The following NRXN3 variants were observed in gnomAD, a reference collection of about 807,000 sequenced individuals.
NRXN3 encodes neurexin III.
Under a neutral mutation model 137.6 loss-of-function variants are expected in NRXN3, and 32 were observed. The observed-to-expected ratio is 0.23, with a 90% CI of 0.18 to 0.31. NRXN3 has a LOEUF of 0.31. Among genes scored for constraint, NRXN3 ranks in the 10% least tolerant of loss-of-function variants. The pLI, the probability that NRXN3 is intolerant of heterozygous loss-of-function variation, is 1.00. For missense variants in NRXN3, 1,574 were observed against 2,062.5 expected, an observed-to-expected ratio of 0.76 and a Z score of 4.59; for synonymous variants, 798 against 784.5, an observed-to-expected ratio of 1.02 and a Z score of -0.29.
At chr14:78,271,329 G>C (rs989283670) in intron 2 of NRXN3, among the ~76,000 whole-genome samples, 8 of 152,076 alleles carry the variant, frequency 5.3e-5, no homozygotes, top group African/African-American at 1.9e-4. Flanking sequence ...GGCAGAACTG[G>C]CTTTACTACC....
intron 15 of NRXN3, among the ~76,000 whole-genome samples, chr14:79,387,953 T>C (rs1599569557): frequency 1.3e-5 from 1 of 77,276 alleles, no homozygotes; most frequent in Non-Finnish European, 2.3e-5. Context: ...GGGCCTGTTG[T>C]GGGGTGGGGG....
At chr14:78,390,445 G>A (rs2090602051) in intron 4 of NRXN3, among the ~76,000 whole-genome samples, 1 of 152,162 alleles carries the variant, frequency 6.6e-6, no homozygotes, top group South Asian at 2.1e-4. Flanking sequence ...GAAAACCGGT[G>A]TTACAAGGTT....
intron 4 of NRXN3, among the ~76,000 whole-genome samples, chr14:78,458,660 T>G (rs963041566): frequency 1.3e-5 from 2 of 152,238 alleles, no homozygotes; most frequent in African/African-American, 4.8e-5. Context: ...CAAAGCAAGT[T>G]CTTAATCCTA....
intron 19 of NRXN3, among the ~76,000 whole-genome samples, chr14:79,799,600 G>A (rs747107217): frequency 1.2e-4 from 18 of 152,130 alleles, no homozygotes; most frequent in Non-Finnish European, 2.2e-4. Flanking sequence ...TCTACTACTA[G>A]TGGGTGTATA....
At chr14:78,820,345 G>A (rs2098947176) in intron 10 of NRXN3, among the ~76,000 whole-genome samples, 1 of 142,374 alleles carries the variant, frequency 7.0e-6, no homozygotes, top group Non-Finnish European at 1.5e-5. Flanking sequence ...ATGAAAGTCT[G>A]TTTACTGATT....
Position 79,622,848 on chromosome 14 carries a change from G to A in NRXN3, c.3445-40930G>A, listed in dbSNP as rs188435603. On this transcript the variant is annotated intron_variant, in intron 16 of 20. Transcript: ENST00000335750. ...CCTGACCTCGTGATCCACCTGCCTC[G>A]GCCTCCCAAAGTGCTGGGATTACAG... Among the ~76,000 whole-genome samples the A allele has an allele frequency of 3.0e-3, 456 of 152,156 alleles. 4 individuals carry two copies. The highest frequency in any genetic ancestry group is 0.01 in the African/African-American group (416 of 41,526).
chr14:78,934,039 AT>A (rs2099328896), intron 10 of NRXN3, among the ~76,000 whole-genome samples: 1 of 151,990 alleles, frequency 6.6e-6, no homozygotes, highest in Non-Finnish European at 1.5e-5. Context: ...GATTATTGTA[AT>A]AATCCTTTTA....
chr14:79,698,564 G>A lies in NRXN3; in HGVS notation c.4014+627G>A, dbSNP rs188349290. Among the ~76,000 whole-genome samples the A allele has an allele frequency of 3.0e-3, 457 of 152,090 alleles. 1 individual carries two copies. Among genetic ancestry groups the A allele is most frequent in the African/African-American group, 0.01 (429 of 41,506 alleles). On this transcript the variant is annotated intron_variant, in intron 19 of 20. Transcript: ENST00000335750. ...TTGAAGGTTTGAGTTTGGCTATACC[G>A]GAAGTCCTTGTTTTTGTGGCAGTTT...
At chr14:78,560,923 G>A (rs189524314) in intron 4 of NRXN3, among the ~76,000 whole-genome samples, 10 of 152,290 alleles carry the variant, frequency 6.6e-5, no homozygotes, top group East Asian at 1.9e-4. Flanking sequence ...GATTAGATAC[G>A]TCTCAGGGAT....
intron 9 of NRXN3, among the ~76,000 whole-genome samples, chr14:78,806,835 CTTATT>C (rs1320754823): frequency 2.6e-5 from 4 of 151,810 alleles, no homozygotes; most frequent in East Asian, 1.9e-4. Flanking sequence ...AAGACCTTAT[CTTATT>C]TTAATCTCAT....
intron 2 of NRXN3, among the ~76,000 whole-genome samples, chr14:78,247,058 C>T (rs1214884634): frequency 6.6e-6 from 1 of 152,194 alleles, no homozygotes; most frequent in Non-Finnish European, 1.5e-5. Flanking sequence ...GCAGGGAGAG[C>T]TGCGAGGGCC....
intron 3 of NRXN3, among the ~76,000 whole-genome samples, chr14:78,292,882 C>T (rs2075947730): frequency 6.6e-6 from 1 of 152,112 alleles, no homozygotes; most frequent in Non-Finnish European, 1.5e-5. Flanking sequence ...CTAGGGCTGG[C>T]AGTGTGACCT....
chr14:79,177,963 C>T (rs2062515749), intron 15 of NRXN3, among the ~76,000 whole-genome samples: 2 of 152,240 alleles, frequency 1.3e-5, no homozygotes, highest in Admixed American at 6.5e-5. Flanking sequence ...AAGAATAGTC[C>T]ATCATTTCCA....
At chr14:78,551,182 T>C (rs187179909) in intron 4 of NRXN3, among the ~76,000 whole-genome samples, 80 of 152,344 alleles carry the variant, frequency 5.3e-4, no homozygotes, top group African/African-American at 1.9e-3. Context: ...AGGGCCTCCA[T>C]GTAATCAGAG....
At chr14:78,742,749 G>A (rs1398233433) in intron 8 of NRXN3, among the ~76,000 whole-genome samples, 1 of 152,084 alleles carries the variant, frequency 6.6e-6, no homozygotes, top group Non-Finnish European at 1.5e-5. Context: ...CCATTATGTA[G>A]GTAATGAAAG....
intron 16 of NRXN3, among the ~76,000 whole-genome samples, chr14:79,662,211 A>G (rs1266407659): frequency 6.6e-6 from 1 of 152,142 alleles, no homozygotes; most frequent in Non-Finnish European, 1.5e-5. Flanking sequence ...AAGGACTAAT[A>G]CAACTACTAA....
At chr14:79,430,990 A>G (rs2095743803) in intron 15 of NRXN3, among the ~76,000 whole-genome samples, 1 of 152,202 alleles carries the variant, frequency 6.6e-6, no homozygotes, top group South Asian at 2.1e-4. Flanking sequence ...CCTCCCTCAT[A>G]TATTTTGAGC....
chr14:79,239,905 CA>C (rs1206489107), intron 15 of NRXN3, among the ~76,000 whole-genome samples: 1 of 152,060 alleles, frequency 6.6e-6, no homozygotes, highest in African/African-American at 2.4e-5. Flanking sequence ...AGAAATAAGC[CA>C]GACACAGAAA....
rs752120574 is a variant in NRXN3 at position 79,866,971 on chromosome 14, T to C, written c.*5007T>C. On this transcript the variant is annotated 3_prime_UTR_variant, in exon 21 of 21. Transcript: ENST00000335750. ...AGGAAGGCGCTAATGAAAAGATCTC[T>C]AAATATCAGTAAGGGGTTAGCTGCC... 6.6e-6 allele frequency: 1 copy of C among 152,218 alleles called. No homozygotes were observed. The highest frequency in any genetic ancestry group is 1.5e-5 in the Non-Finnish European group (1 of 68,040). 9.4% of individuals were successfully genotyped at this position (152,218 alleles called of 1,614,324 possible).
Sources: gnomAD v4.1 joint callset for allele counts (sites outside exome capture counted in the v4.1 genomes callset) on GRCh38, gnomAD v4.1.1 for gene constraint, MANE v1.5 for transcripts, NCBI Gene and HGNC (gene_info 2026-07-23, HGNC 2026-07-21) for gene names.